The following EPB41L4A variants were observed in gnomAD, a reference collection of about 807,000 sequenced individuals.
EPB41L4A encodes the protein band 4.1-like protein 4A.
In EPB41L4A, 100 loss-of-function variants were observed where a neutral mutation model predicts 108.6. The ratio of observed to expected loss-of-function variants is 0.92; its 90% CI spans 0.78 to 1.09. The LOEUF (loss-of-function observed/expected upper bound fraction) is 1.09. Ranked by LOEUF, EPB41L4A falls within the 50% of genes least tolerant of loss-of-function variation. The pLI, the probability that EPB41L4A is intolerant of heterozygous loss-of-function variation, is 0.00. For synonymous variants in EPB41L4A, 319 were observed against 289.0 expected (o/e 1.10, Z -1.05); for missense variants, 1,030 against 842.7 (o/e 1.22, Z -2.75).
intron 1 of EPB41L4A, among the ~76,000 whole-genome samples, chr5:112,315,583 GT>G (rs1336819852): frequency 2.6e-5 from 4 of 152,068 alleles, no homozygotes; most frequent in South Asian, 4.1e-4. Flanking sequence ...CAGAGATTCA[GT>G]TTACTTTTAA....
At chr5:112,397,545 T>C (rs1273453284) in intron 1 of EPB41L4A, among the ~76,000 whole-genome samples, 1 of 152,062 alleles carries the variant, frequency 6.6e-6, no homozygotes, top group Non-Finnish European at 1.5e-5. Flanking sequence ...AATAAAGTAG[T>C]AATTCTGAAA....
At chr5:112,391,860 G>C (rs1008041400) in intron 1 of EPB41L4A, among the ~76,000 whole-genome samples, 2 of 152,160 alleles carry the variant, frequency 1.3e-5, no homozygotes, top group African/African-American at 4.8e-5. Context: ...AGGCCCATCA[G>C]ACTAACAGCA....
At chr5:112,313,557 C>T (rs1029294475) in intron 1 of EPB41L4A, among the ~76,000 whole-genome samples, 3 of 152,186 alleles carry the variant, frequency 2.0e-5, no homozygotes, top group Non-Finnish European at 4.4e-5. Flanking sequence ...TGCCATTGCA[C>T]TGCAGCCTGG....
At chr5:112,412,569 T>A (rs144851684) in intron 1 of EPB41L4A, among the ~76,000 whole-genome samples, 120 of 152,372 alleles carry the variant, frequency 7.9e-4, no homozygotes, top group African/African-American at 2.9e-3. Flanking sequence ...GACTGGTTCC[T>A]GAATTTAGCA....
intron 18 of EPB41L4A, among the ~76,000 whole-genome samples, chr5:112,182,303 C>A (rs1682295148): frequency 6.6e-6 from 1 of 152,098 alleles, no homozygotes; most frequent in African/African-American, 2.4e-5. Flanking sequence ...GAACCTCCGA[C>A]CACTTGACTA....
chr5:112,275,810 C>A (rs1442951849), intron 3 of EPB41L4A, among the ~76,000 whole-genome samples: 1 of 152,072 alleles, frequency 6.6e-6, no homozygotes, highest in South Asian at 2.1e-4. Flanking sequence ...CTGAAAACAA[C>A]TTAAATGCTC....
At chr5:112,386,635 G>C (rs1356720167) in intron 1 of EPB41L4A, among the ~76,000 whole-genome samples, 1 of 152,142 alleles carries the variant, frequency 6.6e-6, no homozygotes, top group Non-Finnish European at 1.5e-5. Flanking sequence ...ACAGACTATA[G>C]AAGAAAGTTT....
chr5:112,168,755 T>G lies in EPB41L4A; in HGVS notation c.1916A>C (p.Asp639Ala). ...TRSSDAQGSG[D>A]ATVHQRRNGS... The stretch of plus-strand genomic sequence containing the variant: ...ATTACTAACCTGATGAACTGTAGCA[T>G]CCCCAGAACCCTGAGCATCCGAAGA... The change falls in exon 22 of 23, where the codon GAT (aspartate) becomes GCT (alanine). Residue 639 changes from aspartate to alanine, a missense_variant. Physicochemically the swap from Asp to Ala is moderately radical, Grantham distance 126. Transcript: ENST00000261486. 5 of 1,613,704 alleles carry G rather than the reference T, an allele frequency of 3.1e-6. No individual in the cohort carries two copies. The highest frequency in any genetic ancestry group is 4.2e-6 in the Non-Finnish European group (5 of 1,179,632).
At chr5:112,193,928 C>T (rs1013949789) in intron 17 of EPB41L4A, among the ~76,000 whole-genome samples, 11 of 152,214 alleles carry the variant, frequency 7.2e-5, no homozygotes, top group Non-Finnish European at 1.6e-4. Flanking sequence ...CCAAATCCCT[C>T]TGACTCCCAA....
At chr5:112,374,909 A>G (rs929533188) in intron 1 of EPB41L4A, among the ~76,000 whole-genome samples, 1 of 152,134 alleles carries the variant, frequency 6.6e-6, no homozygotes, top group Admixed American at 6.5e-5. Context: ...TTGACAGCAA[A>G]CTTCTACGTT....
intron 1 of EPB41L4A, among the ~76,000 whole-genome samples, chr5:112,349,053 T>C (rs768527471): frequency 1.6e-4 from 24 of 152,086 alleles, no homozygotes; most frequent in African/African-American, 4.6e-4. Flanking sequence ...CCCAGGAAAG[T>C]AGGAGTAGCC....
intron 9 of EPB41L4A, among the ~76,000 whole-genome samples, chr5:112,253,418 A>G (rs1750835233): frequency 6.6e-6 from 1 of 152,234 alleles, no homozygotes; most frequent in Admixed American, 6.5e-5. Context: ...CAATTTTATA[A>G]AAGATAAAAA....
At chr5:112,226,257 C>T (rs1350346546) in intron 12 of EPB41L4A, among the ~76,000 whole-genome samples, 1 of 152,144 alleles carries the variant, frequency 6.6e-6, no homozygotes, top group African/African-American at 2.4e-5. Context: ...AGGAGTAGTT[C>T]CGCTGATATT....
chr5:112,168,600 CT>C (rs1760387736), intron 22 of EPB41L4A, 138 bp downstream of exon 22: 4 of 658,016 alleles, frequency 6.1e-6, no homozygotes, highest in Non-Finnish European at 1.1e-5. Context: ...TCTCCACGTT[CT>C]TTTAAAATAC....
chr5:112,410,956 C>G (rs1424147638), intron 1 of EPB41L4A, among the ~76,000 whole-genome samples: 1 of 152,200 alleles, frequency 6.6e-6, no homozygotes, highest in East Asian at 1.9e-4. Context: ...ATGAGAGAAG[C>G]TGGGACCTTG....
At chr5:112,400,877 CT>C (rs11299537) in intron 1 of EPB41L4A, among the ~76,000 whole-genome samples, 14,440 of 152,222 alleles carry the variant, frequency 0.095, 2,248 homozygotes, top group African/African-American at 0.32. Context: ...CACAAAATAT[CT>C]TGAGTGCAAG....
intron 1 of EPB41L4A, among the ~76,000 whole-genome samples, chr5:112,360,511 G>C (rs1321580136): frequency 6.6e-6 from 1 of 152,218 alleles, no homozygotes; most frequent in East Asian, 1.9e-4. Context: ...CTGACCGCGA[G>C]TGATCTGCCA....
intron 1 of EPB41L4A, among the ~76,000 whole-genome samples, chr5:112,335,204 G>C (rs1756838725): frequency 6.6e-6 from 1 of 152,058 alleles, no homozygotes; most frequent in Non-Finnish European, 1.5e-5. Flanking sequence ...ATTGCCAAGA[G>C]GCACAAAAAC....
intron 15 of EPB41L4A, among the ~76,000 whole-genome samples, chr5:112,202,303 C>A (rs978439793): frequency 1.3e-5 from 2 of 152,240 alleles, no homozygotes; most frequent in Non-Finnish European, 1.5e-5. Flanking sequence ...AAGGTGGAAG[C>A]GGCTTCTGGT....
Sources: gnomAD v4.1 joint callset for allele counts (sites outside exome capture counted in the v4.1 genomes callset) on GRCh38, gnomAD v4.1.1 for gene constraint, MANE v1.5 for transcripts, NCBI Gene and HGNC (gene_info 2026-07-23, HGNC 2026-07-21) for gene names.